The following CELF5 variants were observed in gnomAD, a reference collection of about 807,000 sequenced individuals.
CELF5 encodes the protein CUGBP Elav-like family member 5.
A neutral mutation model predicts 54.9 loss-of-function variants in CELF5; 6 were observed. The ratio of observed to expected loss-of-function variants is 0.11; its 90% CI spans 0.06 to 0.22. The LOEUF is 0.22. Among genes scored for constraint, CELF5 ranks in the 10% least tolerant of loss-of-function variants. CELF5 has a pLI of 1.00. For synonymous variants in CELF5, 271 were observed against 290.9 expected (o/e 0.93, Z 0.70); for missense variants, 401 against 678.6 (o/e 0.59, Z 4.54).
chr19:3,233,822 G>A (rs532578039), intron 1 of CELF5, among the ~76,000 whole-genome samples: 1 of 152,316 alleles, frequency 6.6e-6, no homozygotes, highest in East Asian at 1.9e-4. Context: ...GTCTCTCAGG[G>A]GAATATGGAC....
intron 1 of CELF5, among the ~76,000 whole-genome samples, chr19:3,247,417 C>T (rs555158455): frequency 2.0e-5 from 3 of 152,120 alleles, no homozygotes; most frequent in African/African-American, 7.2e-5. Context: ...TGAGCCATCA[C>T]GCCCGGCCTA....
At chr19:3,235,638 GTGGATGAGTGGATGGATGGATGGA>G (rs1599388305) in intron 1 of CELF5, among the ~76,000 whole-genome samples, 1 of 113,438 alleles carries the variant, frequency 8.8e-6, no homozygotes, top group East Asian at 2.9e-4. Flanking sequence ...GGGTGGATGG[GTGGATGAGTGGATGGATGGATGGA>G]TGGATGGATG....
chr19:3,233,900 C>T (rs1391460478), intron 1 of CELF5, among the ~76,000 whole-genome samples: 1 of 152,218 alleles, frequency 6.6e-6, no homozygotes, highest in Non-Finnish European at 1.5e-5. Context: ...TAGAATGTGT[C>T]AGGAAGTTCT....
Position 3,282,295 on chromosome 19 carries a change from G to A in CELF5, c.892+28G>A, listed in dbSNP as rs1424961251. On this transcript the variant is annotated intron_variant, in intron 7 of 12. Transcript: ENST00000292672. This position sits in a 1 kb window ranked among gnomAD's most constrained non-coding sequence, Gnocchi z 5.2. ...GAGCCTCCTCCAGGCACCCAAGGAT[G>A]GGTGGGCAGGGCTGGAGCCAGAACT... 1.8e-5 allele frequency: 29 copies of A among 1,609,470 alleles called. No homozygotes were observed. The highest frequency in any genetic ancestry group is 2.4e-5 in the Non-Finnish European group (28 of 1,179,938).
At chr19:3,227,677 C>T (rs1269931466) in intron 1 of CELF5, among the ~76,000 whole-genome samples, 7 of 152,054 alleles carry the variant, frequency 4.6e-5, no homozygotes, top group Non-Finnish European at 1.5e-5. Flanking sequence ...TGTTTGATTT[C>T]CCCATGGAAC....
chr19:3,238,261 A>T lies in CELF5; in HGVS notation c.260-12724A>T, dbSNP rs552966415. On this transcript the variant is annotated intron_variant, in intron 1 of 12. Coordinates refer to ENST00000292672, the MANE Select transcript of CELF5 (RefSeq NM_021938.4). ...CCCAGTTACCAAGCTCCTATTCAAG[A>T]TGGAGTTGCTCTGGTTCAAACGCTT... Among the ~76,000 whole-genome samples the T allele has an allele frequency of 5.3e-5, 8 of 152,184 alleles. No homozygotes were observed. In the South Asian group the frequency reaches 1.5e-3, roughly 28 times the overall value.
At chr19:3,243,980 T>C (rs2079526575) in intron 1 of CELF5, among the ~76,000 whole-genome samples, 1 of 152,074 alleles carries the variant, frequency 6.6e-6, no homozygotes, top group Admixed American at 6.6e-5. Flanking sequence ...CGTTTCCAAA[T>C]AAAGTCACAT....
chr19:3,265,675 A>G (rs770759037), intron 2 of CELF5, among the ~76,000 whole-genome samples: 8 of 152,124 alleles, frequency 5.3e-5, no homozygotes, highest in Non-Finnish European at 1.0e-4. Context: ...CTTTCCCAGA[A>G]AGCTCGTGAA....
chr19:3,267,245 A>C, intron 2 of CELF5, among the ~76,000 whole-genome samples: 1 of 150,826 alleles, frequency 6.6e-6, no homozygotes. Flanking sequence ...CCCCCCACCA[A>C]CCGCCCGGCC....
chr19:3,296,355 ACCAAGCATTTCCTTTTCTTTCTACC>A (rs1568372009), intron 12 of CELF5: 3 of 129,840 alleles, frequency 2.3e-5, no homozygotes, highest in East Asian at 2.1e-4. Flanking sequence ...AAAAAAAAAA[ACCAAGCATTTCCTTTTCTTTCTACC>A]AAAATGTGTT....
rs758992111 is a variant in CELF5, at chr19:3,228,615, T to TG, written c.259+3627dup. On this transcript the variant is annotated intron_variant, in intron 1 of 12. Transcript: ENST00000292672. This position sits in a 1 kb window ranked among gnomAD's most constrained non-coding sequence, Gnocchi z 6.0. ...AGGTTGCGCTGGGGGACGGTGCAGG[T>TG]GGGGGGGGGGCCCGGCGGGGGCCCG... Among the ~76,000 whole-genome samples the TG allele has an allele frequency of 0.063, 2,016 of 32,184 alleles. 19 individuals are homozygous for TG. Among genetic ancestry groups the TG allele is most frequent in the Middle Eastern group, 0.14 (10 of 74 alleles). The allele number at this position is 32,184 out of a possible 152,430, so 21.1% of individuals were successfully genotyped here.
At chr19:3,254,813 CCCAT>C (rs1203286405) in intron 2 of CELF5, among the ~76,000 whole-genome samples, 1 of 151,320 alleles carries the variant, frequency 6.6e-6, no homozygotes, top group Non-Finnish European at 1.5e-5. Flanking sequence ...CATCCATCCA[CCCAT>C]CCATCCATCC....
intron 4 of CELF5, 78 bp from the exon 5 acceptor site, chr19:3,277,953 G>A: frequency 9.2e-7 from 1 of 1,089,796 alleles, no homozygotes. Flanking sequence ...AGGTCTCTGT[G>A]TCCCCTCTCC....
chr19:3,281,445 CAG>C lies in CELF5; in HGVS notation c.750+101_750+102del, dbSNP rs1161460568. ...TGCCTCTCCCTCCATCTCCCTGACT[CAG>C]GGTCCTCTCCTGGCGTGGCTGAACC... On this transcript the variant is annotated intron_variant, in intron 6 of 12. Coordinates refer to ENST00000292672, the MANE Select transcript of CELF5 (RefSeq NM_021938.4). This position sits in a 1 kb window ranked among gnomAD's most constrained non-coding sequence, Gnocchi z 6.5. 7.3e-7 allele frequency: 1 copy of C among 1,370,954 alleles called. No homozygotes were observed. Among genetic ancestry groups the C allele is most frequent in the Middle Eastern group, 1.9e-4 (1 of 5,368 alleles). 84.9% of individuals were successfully genotyped at this position (1,370,954 alleles called of 1,614,324 possible). A position where few individuals can be genotyped will look rare whatever the true frequency, so the allele number is the denominator to read the frequency against.
intron 5 of CELF5, among the ~76,000 whole-genome samples, chr19:3,279,252 G>C (rs1295119540): frequency 6.6e-6 from 1 of 151,842 alleles, no homozygotes; most frequent in East Asian, 1.9e-4. Flanking sequence ...GTGGGGATTG[G>C]GGACAGGTCC....
intron 1 of CELF5, among the ~76,000 whole-genome samples, chr19:3,233,224 G>A (rs1917353734): frequency 6.6e-6 from 1 of 152,120 alleles, no homozygotes; most frequent in African/African-American, 2.4e-5. Context: ...GGAGGTGGAG[G>A]CTACAGTGAG....
chr19:3,276,036 GGGGCGGGGCCTGTGGGGA>G (rs2080043945), intron 4 of CELF5, 52 bp downstream of exon 4: 1 of 1,424,398 alleles, frequency 7.0e-7, no homozygotes, highest in Non-Finnish European at 9.5e-7. Flanking sequence ...GCTAGCTCTG[GGGGCGGGGCCTGTGGGGA>G]GGGTGGGGCC....
intron 1 of CELF5, among the ~76,000 whole-genome samples, chr19:3,236,727 A>G (rs144719809): frequency 0.017 from 2,562 of 151,636 alleles, 40 homozygotes; most frequent in Non-Finnish European, 0.025. Context: ...GCTCACGCCT[A>G]CAATCCCAGC....
intron 1 of CELF5, among the ~76,000 whole-genome samples, chr19:3,246,614 G>A (rs2079571086): frequency 6.6e-6 from 1 of 151,928 alleles, no homozygotes; most frequent in African/African-American, 2.4e-5. Context: ...TTGGGAGGCT[G>A]AGGCCAGAGG....
Sources: gnomAD v4.1 joint callset for allele counts (sites outside exome capture counted in the v4.1 genomes callset) on GRCh38, gnomAD v4.1.1 for gene constraint, Gnocchi (gnomAD v3.1) non-coding constraint, MANE v1.5 for transcripts, NCBI Gene and HGNC (gene_info 2026-07-23, HGNC 2026-07-21) for gene names.